Variants in PDZRN3 observed in about 807,000 individuals in gnomAD.
PDZRN3 encodes PDZ domain containing ring finger 3, also known as E3 ubiquitin-protein ligase PDZRN3.
A neutral mutation model predicts 85.7 loss-of-function variants in PDZRN3; 38 were observed. The ratio of observed to expected loss-of-function variants is 0.44; its 90% CI spans 0.34 to 0.58. The LOEUF is 0.58. Ranked by LOEUF, PDZRN3 falls within the 20% of genes least tolerant of loss-of-function variation. The probability of loss-of-function intolerance (pLI) is 0.01; values close to 1 mark genes in which losing one functional copy is unlikely to be tolerated. For synonymous variants in PDZRN3, 759 were observed against 638.0 expected, an observed-to-expected ratio of 1.19 and a Z score of -2.86; for missense variants, 1,629 against 1,506.4, an observed-to-expected ratio of 1.08 and a Z score of -1.35.
intron 3 of PDZRN3, among the ~76,000 whole-genome samples, chr3:73,541,308 T>G (rs922653076): frequency 2.0e-5 from 3 of 152,186 alleles, no homozygotes; most frequent in Non-Finnish European, 4.4e-5. Context: ...GAAAATATAA[T>G]CTCCCCTAAT....
chr3:73,606,711 T>C (rs1474006767), intron 2 of PDZRN3, among the ~76,000 whole-genome samples: 1 of 152,232 alleles, frequency 6.6e-6, no homozygotes, highest in Non-Finnish European at 1.5e-5. Flanking sequence ...AGTCTCACCA[T>C]TTAAAATGTT....
In PDZRN3 at chr3:73,383,247, A is replaced by T. The variant is rs1346773852; in HGVS notation, c.*118T>A. The T allele has an allele frequency of 1.0e-6, 1 of 965,326 alleles. No individual in the cohort carries two copies. Among genetic ancestry groups the T allele is most frequent in the Admixed American group, 2.5e-5 (1 of 40,764 alleles). 59.8% of individuals were successfully genotyped at this position (965,326 alleles called of 1,614,324 possible). A position where few individuals can be genotyped will look rare whatever the true frequency, so the allele number is the denominator to read the frequency against. On this transcript the variant is annotated 3_prime_UTR_variant, in exon 10 of 10. Transcript: ENST00000263666. ...AGAGTTGTAGGGTTTGCAAATTTGG[A>T]CTATAAACATGAAGACCGTACTTAT...
In PDZRN3 at chr3:73,391,191, A is replaced by T. The variant is rs957859508; in HGVS notation, c.1255-75T>A. On this transcript the variant is annotated intron_variant, in intron 5 of 9. Transcript: ENST00000263666. ...TGAGGGGATGTCAAATGCTTTAAAA[A>T]TATTATCTTCAAATGAGGAACTGGA... 5.6e-6 allele frequency: 5 copies of T among 896,440 alleles called. No individual in the cohort carries two copies. The African/African-American group carries it at 8.3e-5, about 15-fold the overall frequency. 55.5% of individuals were successfully genotyped at this position (896,440 alleles called of 1,614,324 possible).
chr3:73,395,474 A>T (rs1415862924), intron 5 of PDZRN3, among the ~76,000 whole-genome samples: 1 of 152,246 alleles, frequency 6.6e-6, no homozygotes, highest in African/African-American at 2.4e-5. Flanking sequence ...GACATTTCAG[A>T]GGAAATTGAA....
intron 3 of PDZRN3, among the ~76,000 whole-genome samples, chr3:73,502,467 C>T (rs576142086): frequency 6.6e-6 from 1 of 152,184 alleles, no homozygotes; most frequent in Admixed American, 6.5e-5. Context: ...TAAGTTAAGG[C>T]CACCAACAAC....
At chr3:73,477,827 C>T (rs565668695) in intron 3 of PDZRN3, among the ~76,000 whole-genome samples, 57 of 152,216 alleles carry the variant, frequency 3.7e-4, no homozygotes, top group Admixed American at 2.0e-3. Flanking sequence ...GGAAGCCTCA[C>T]GATCATGGCG....
chr3:73,521,377 G>C (rs960656656), intron 3 of PDZRN3, among the ~76,000 whole-genome samples: 3 of 152,114 alleles, frequency 2.0e-5, no homozygotes, highest in African/African-American at 4.8e-5. Flanking sequence ...ATGTGCATTT[G>C]GGAGGGGTAG....
intron 3 of PDZRN3, among the ~76,000 whole-genome samples, chr3:73,530,283 A>G (rs1704623160): frequency 6.6e-6 from 1 of 152,192 alleles, no homozygotes; most frequent in Admixed American, 6.5e-5. Context: ...GACACTTTTT[A>G]TGACTTAACA....
chr3:73,493,536 A>T (rs115603726), intron 3 of PDZRN3, among the ~76,000 whole-genome samples: 1,592 of 152,158 alleles, frequency 0.01, 25 homozygotes, highest in African/African-American at 0.036. Flanking sequence ...ACTCATGGAA[A>T]ATCAGAGAGA....
At chr3:73,576,735 T>C (rs1211295724) in intron 3 of PDZRN3, among the ~76,000 whole-genome samples, 3 of 152,218 alleles carry the variant, frequency 2.0e-5, no homozygotes, top group Admixed American at 2.0e-4. Context: ...TAGACATGAA[T>C]ATCTACCCTG....
chr3:73,407,252 C>T (rs1701873785), intron 3 of PDZRN3, among the ~76,000 whole-genome samples: 1 of 152,192 alleles, frequency 6.6e-6, no homozygotes, highest in African/African-American at 2.4e-5. Flanking sequence ...CTAGACAAGT[C>T]ATCTGCATGC....
At chr3:73,419,144 C>A (rs1702149108) in intron 3 of PDZRN3, among the ~76,000 whole-genome samples, 1 of 152,098 alleles carries the variant, frequency 6.6e-6, no homozygotes, top group Non-Finnish European at 1.5e-5. Context: ...AGGAGCAAAT[C>A]ATCTGGGAAG....
At chr3:73,590,432 A>G (rs1000301473) in intron 3 of PDZRN3, among the ~76,000 whole-genome samples, 7 of 152,180 alleles carry the variant, frequency 4.6e-5, no homozygotes, top group Non-Finnish European at 8.8e-5. Flanking sequence ...CTTGGCACTT[A>G]GTGCCCTTCC....
At chr3:73,384,985 C>T (rs1380529929) in intron 9 of PDZRN3, 55 bp from the exon 10 acceptor site, 2 of 1,536,068 alleles carry the variant, frequency 1.3e-6, no homozygotes, top group Non-Finnish European at 1.7e-6. Flanking sequence ...GCAGCAGGTA[C>T]TCAGGTTTGA....
intron 3 of PDZRN3, among the ~76,000 whole-genome samples, chr3:73,520,104 G>A (rs1358078987): frequency 6.6e-6 from 1 of 152,148 alleles, no homozygotes; most frequent in African/African-American, 2.4e-5. Context: ...GTTTGCATAT[G>A]GAAAGACACC....
At chr3:73,599,838 G>A (rs538989291) in intron 3 of PDZRN3, among the ~76,000 whole-genome samples, 2 of 152,374 alleles carry the variant, frequency 1.3e-5, no homozygotes, top group East Asian at 3.9e-4. Context: ...AGTCTACACA[G>A]ATGTGAGAGC....
intron 3 of PDZRN3, among the ~76,000 whole-genome samples, chr3:73,595,495 G>A (rs1044909993): frequency 2.6e-5 from 4 of 152,126 alleles, no homozygotes; most frequent in African/African-American, 4.8e-5. Context: ...TAAGTTTCCT[G>A]TGTATAGTTA....
chr3:73,441,549 C>G (rs1409672705), intron 3 of PDZRN3, among the ~76,000 whole-genome samples: 1 of 151,914 alleles, frequency 6.6e-6, no homozygotes, highest in Non-Finnish European at 1.5e-5. Context: ...TTCTTTGACA[C>G]TTGGTGATGA....
At chr3:73,445,918 A>G (rs1185336849) in intron 3 of PDZRN3, among the ~76,000 whole-genome samples, 1 of 152,222 alleles carries the variant, frequency 6.6e-6, no homozygotes, top group African/African-American at 2.4e-5. Flanking sequence ...GATATATCTG[A>G]TATTAGTGGG....
Sources: gnomAD v4.1 joint callset for allele counts (sites outside exome capture counted in the v4.1 genomes callset) on GRCh38, gnomAD v4.1.1 for gene constraint, MANE v1.5 for transcripts, NCBI Gene and HGNC (gene_info 2026-07-23, HGNC 2026-07-21) for gene names.